The following PIAS2 variants were observed in gnomAD, a reference collection of about 807,000 sequenced individuals.
PIAS2 encodes E3 SUMO-protein ligase PIAS2.
Under a neutral mutation model 69.7 loss-of-function variants are expected in PIAS2, and 19 were observed. That is an observed-to-expected ratio of 0.27 (90% CI 0.19 to 0.40). The LOEUF is 0.40. Among genes scored for constraint, PIAS2 ranks in the 10% least tolerant of loss-of-function variants. The probability of loss-of-function intolerance (pLI) is 1.00; values close to 1 mark genes in which losing one functional copy is unlikely to be tolerated. For missense variants in PIAS2, 624 were observed against 757.0 expected (o/e 0.82, Z 2.06); for synonymous variants, 261 against 263.2 (o/e 0.99, Z 0.08).
intron 3 of PIAS2, among the ~76,000 whole-genome samples, chr18:46,862,903 G>A (rs908997980): frequency 2.6e-5 from 4 of 151,920 alleles, no homozygotes; most frequent in Non-Finnish European, 4.4e-5. Flanking sequence ...GATGGGTTTC[G>A]CCATGTTGGC....
chr18:46,906,267 G>C (rs1347812335), intron 1 of PIAS2: 1 of 151,518 alleles, frequency 6.6e-6, no homozygotes, highest in Admixed American at 6.6e-5. Flanking sequence ...TCAGGAACAA[G>C]ATCAGGATGC....
intron 1 of PIAS2, chr18:46,905,973 G>A (rs1470223262): frequency 6.6e-6 from 1 of 152,032 alleles, no homozygotes; most frequent in South Asian, 2.1e-4. Context: ...ACTGAGTCCA[G>A]TGAAAAAAAG....
At chr18:46,864,109 C>T (rs1014463466) in intron 3 of PIAS2, 55 bp downstream of exon 3, 2 of 1,046,450 alleles carry the variant, frequency 1.9e-6, no homozygotes, top group African/African-American at 1.6e-5. Flanking sequence ...TATGGCAGCC[C>T]TACAGGTGAA....
chr18:46,902,316 G>C (rs900175910), intron 1 of PIAS2, among the ~76,000 whole-genome samples: 1 of 151,850 alleles, frequency 6.6e-6, no homozygotes, highest in Non-Finnish European at 1.5e-5. Flanking sequence ...CAGCACTTTG[G>C]GAGGCTGAGG....
At chr18:46,831,895 A>C (rs748216075) in intron 9 of PIAS2, among the ~76,000 whole-genome samples, 2 of 152,228 alleles carry the variant, frequency 1.3e-5, no homozygotes, top group Non-Finnish European at 2.9e-5. Context: ...TGAGTTAGGG[A>C]AAATGTCTTA....
Position 46,808,941 on chromosome 18 carries a change from C to G in PIAS2, c.*3492G>C, listed in dbSNP as rs1393623571. On this transcript the variant is annotated 3_prime_UTR_variant, in exon 14 of 14. Transcript: ENST00000585916. ...TACTTAAAATACAAACAAACGTCAA[C>G]TAATGAATACTTTATTGGCAGAAAA... 1 of 147,470 alleles carries G rather than the reference C, an allele frequency of 6.8e-6. No homozygotes were observed. Among genetic ancestry groups the G allele is most frequent in the Non-Finnish European group, 1.5e-5 (1 of 67,340 alleles). 9.1% of individuals were successfully genotyped at this position (147,470 alleles called of 1,614,324 possible).
Position 46,862,648 on chromosome 18 carries a change from C to CATATATACACATATATATACACACAT in PIAS2, c.584+1490_584+1515dup, listed in dbSNP as rs2048841949. ...ACATATATACATACATATATATACA[C>CATATATACACATATATATACACACAT]ATATATACACATATATATACACACA... On this transcript the variant is annotated intron_variant, in intron 3 of 13. Coordinates refer to ENST00000585916, the MANE Select transcript of PIAS2 (RefSeq NM_004671.5). Among the ~76,000 whole-genome samples the CATATATACACATATATATACACACAT allele has an allele frequency of 2.0e-5, 3 of 151,896 alleles. No homozygotes were observed. The South Asian group carries it at 6.2e-4, about 32-fold the overall frequency.
intron 3 of PIAS2, among the ~76,000 whole-genome samples, chr18:46,862,370 C>T (rs1196055838): frequency 6.6e-6 from 1 of 152,096 alleles, no homozygotes; most frequent in Non-Finnish European, 1.5e-5. Context: ...CAGAATTTCC[C>T]AAACTTACTT....
intron 6 of PIAS2, 95 bp downstream of exon 6, chr18:46,846,612 A>G: frequency 8.2e-7 from 1 of 1,226,354 alleles, no homozygotes. Flanking sequence ...CAATCCAAAA[A>G]CAGAAAGAGC....
intron 9 of PIAS2, 143 bp downstream of exon 9, chr18:46,836,214 A>G (rs1460343609): frequency 3.1e-6 from 2 of 638,704 alleles, no homozygotes; most frequent in African/African-American, 3.6e-5. Context: ...ATAATTAGGT[A>G]TAAGACGGAA....
At chr18:46,891,696 C>T in intron 1 of PIAS2, 1 of 950,892 alleles carries the variant, frequency 1.1e-6, no homozygotes, top group Non-Finnish European at 1.3e-6. Flanking sequence ...GCTGGGTATC[C>T]AAATGAGAAA....
intron 3 of PIAS2, among the ~76,000 whole-genome samples, chr18:46,859,703 T>C (rs7242313): frequency 0.077 from 11,722 of 152,212 alleles, 487 homozygotes; most frequent in African/African-American, 0.1. Flanking sequence ...GAACAAAAGA[T>C]AAGCAGGTTT....
chr18:46,869,621 A>G (rs1044625656), intron 2 of PIAS2, among the ~76,000 whole-genome samples: 2 of 152,230 alleles, frequency 1.3e-5, no homozygotes, highest in African/African-American at 4.8e-5. Context: ...GCTAGTGATG[A>G]TAACAACATT....
chr18:46,863,186 C>T (rs920240016), intron 3 of PIAS2, among the ~76,000 whole-genome samples: 3 of 151,950 alleles, frequency 2.0e-5, no homozygotes, highest in African/African-American at 7.3e-5. Context: ...CCATAACTAC[C>T]TCAGTTTATG....
At chr18:46,872,352 T>C (rs1217567305) in intron 2 of PIAS2, among the ~76,000 whole-genome samples, 1 of 152,256 alleles carries the variant, frequency 6.6e-6, no homozygotes, top group Non-Finnish European at 1.5e-5. Context: ...GGGACATATT[T>C]GTTTTTGAAT....
At chr18:46,838,775 A>G (rs1308305890) in intron 8 of PIAS2, among the ~76,000 whole-genome samples, 1 of 152,240 alleles carries the variant, frequency 6.6e-6, no homozygotes, top group African/African-American at 2.4e-5. Context: ...TGCTGAGGCT[A>G]CAAGAGGTTA....
At chr18:46,815,720 T>G (rs1337396230) in intron 12 of PIAS2, 1 of 1,004,806 alleles carries the variant, frequency 1.0e-6, no homozygotes, top group Non-Finnish European at 1.2e-6. Context: ...CTTAAGCTCT[T>G]AAGATATTTC....
chr18:46,869,971 C>A (rs563900370), intron 2 of PIAS2, among the ~76,000 whole-genome samples: 17 of 152,218 alleles, frequency 1.1e-4, no homozygotes, highest in Non-Finnish European at 2.1e-4. Context: ...TACCCCAAAA[C>A]AATCCACCAA....
intron 9 of PIAS2, among the ~76,000 whole-genome samples, chr18:46,834,649 C>T (rs1661212384): frequency 6.6e-6 from 1 of 152,146 alleles, no homozygotes; most frequent in South Asian, 2.1e-4. Context: ...GAGTCTTTCT[C>T]CATCACCCAG....
Sources: allele counts gnomAD v4.1 joint callset (sites outside exome capture counted in the v4.1 genomes callset), GRCh38; gene constraint gnomAD v4.1.1; transcripts MANE v1.5; gene names NCBI Gene and HGNC (gene_info 2026-07-23, HGNC 2026-07-21).